Variants in ASCC1 observed in about 807,000 individuals in gnomAD.
ASCC1 encodes ASC-1 complex subunit P50.
ASCC1 carries 35 observed loss-of-function variants against 46.6 expected under a neutral mutation model. That is an observed-to-expected ratio of 0.75 (90% CI 0.57 to 0.99). ASCC1 has a LOEUF of 0.99. Ranked by LOEUF, ASCC1 falls within the 50% of genes least tolerant of loss-of-function variation. The probability of loss-of-function intolerance (pLI) is 0.00; values close to 1 mark genes in which losing one functional copy is unlikely to be tolerated. For synonymous variants in ASCC1, 143 were observed against 146.6 expected (o/e 0.98, Z 0.18); for missense variants, 376 against 428.7 (o/e 0.88, Z 1.09).
intron 9 of ASCC1, among the ~76,000 whole-genome samples, chr10:72,115,930 CAATTA>C (rs1445267139): frequency 2.0e-5 from 3 of 152,226 alleles, no homozygotes; most frequent in Non-Finnish European, 4.4e-5. Flanking sequence ...TTCTTTATAC[CAATTA>C]AATTCTTACA....
Position 72,138,091 on chromosome 10 carries a change from C to T in ASCC1, c.747-4910G>A, listed in dbSNP as rs553265738. ...TGTTGCCCAGGCTGGTCTCAAACTC[C>T]TGCCCTCAAACGATCCACCTGCCTT... On this transcript the variant is annotated intron_variant, in intron 7 of 9. Coordinates refer to ENST00000672957, the MANE Select transcript of ASCC1 (RefSeq NM_001198800.3). 4.0e-3 allele frequency among the ~76,000 whole-genome samples: 606 copies of T among 152,292 alleles called. 6 individuals carry two copies. Among genetic ancestry groups the T allele is most frequent in the African/African-American group, 0.014 (578 of 41,546 alleles).
At chr10:72,114,657 A>G (rs1191991259) in intron 9 of ASCC1, among the ~76,000 whole-genome samples, 2 of 152,014 alleles carry the variant, frequency 1.3e-5, no homozygotes, top group Non-Finnish European at 2.9e-5. Flanking sequence ...CATTTGCTAG[A>G]AATGAAAATA....
chr10:72,179,205 T>C (rs1589484829), intron 5 of ASCC1, among the ~76,000 whole-genome samples: 1 of 152,294 alleles, frequency 6.6e-6, no homozygotes, highest in East Asian at 1.9e-4. Context: ...AAGTTTTGGT[T>C]GCCCAGGCTG....
chr10:72,180,423 C>G (rs1852432980), intron 5 of ASCC1, among the ~76,000 whole-genome samples: 1 of 152,080 alleles, frequency 6.6e-6, no homozygotes. Flanking sequence ...GCCAGGAGTT[C>G]AGGACCAGTC....
chr10:72,102,314 C>G, intron 9 of ASCC1: 1 of 1,545,392 alleles, frequency 6.5e-7, no homozygotes, highest in South Asian at 1.2e-5. Flanking sequence ...TGTGTTTACA[C>G]ACTCACGGCT....
In ASCC1 at chr10:72,196,872, T is replaced by G; in HGVS notation, c.428A>C (p.Glu143Ala). The change falls in exon 5 of 10, where the codon GAA (glutamate) becomes GCA (alanine). Residue 143 changes from glutamate to alanine, a missense_variant. By Grantham distance (107) the Glu-to-Ala change is moderately radical. Transcript: ENST00000672957. ...CAGGAATCCTTCCTGAACCTCAACT[T>G]CATTGAGGAAAAAGGCAAGGAAGTG... ...FTHFLAFFLN[E>A]VEVQEGFLRF... is the part of the protein sequence containing the mutation. 6.2e-7 allele frequency: 1 copy of G among 1,613,562 alleles called. No homozygotes were observed. The highest frequency in any genetic ancestry group is 8.5e-7 in the Non-Finnish European group (1 of 1,179,978).
chr10:72,149,605 G>A (rs1354084507), intron 7 of ASCC1, among the ~76,000 whole-genome samples: 1 of 152,120 alleles, frequency 6.6e-6, no homozygotes, highest in African/African-American at 2.4e-5. Flanking sequence ...TTATGAGACT[G>A]TGAGACCAAA....
At chr10:72,136,895 G>C (rs545589036) in intron 7 of ASCC1, among the ~76,000 whole-genome samples, 1 of 151,880 alleles carries the variant, frequency 6.6e-6, no homozygotes, top group African/African-American at 2.4e-5. Context: ...GCAAGACCAC[G>C]AACCCACCGG....
At chr10:72,210,893 C>T (rs1021180620) in intron 2 of ASCC1, 62 bp from the exon 3 acceptor site, 18 of 1,523,670 alleles carry the variant, frequency 1.2e-5, no homozygotes, top group Admixed American at 3.5e-5. Context: ...ACAGCTTTCG[C>T]CTCAGCTGTC....
intron 5 of ASCC1, among the ~76,000 whole-genome samples, chr10:72,172,827 TTTA>T (rs1372590518): frequency 7.5e-6 from 1 of 132,690 alleles, no homozygotes; most frequent in Non-Finnish European, 1.6e-5. Flanking sequence ...TAATATATAT[TTTA>T]TATTTTTATA....
rs1342543383 is a variant in ASCC1, at chr10:72,204,510, C to T, written c.213-986G>A. ...GATGTGTTCAAGTGAATGAGACTAC[C>T]GAATCCCAAGAGAGAAGTTTCAGAG... is the stretch of plus-strand genomic sequence containing the variant. On this transcript the variant is annotated intron_variant, in intron 3 of 9. Coordinates refer to ENST00000672957, the MANE Select transcript of ASCC1 (RefSeq NM_001198800.3). The T allele has an allele frequency of 9.0e-6, 14 of 1,550,078 alleles. No homozygotes were observed. The highest frequency in any genetic ancestry group is 1.2e-5 in the South Asian group (1 of 84,060).
At chr10:72,156,826 GA>G (rs986909396) in intron 6 of ASCC1, among the ~76,000 whole-genome samples, 1 of 151,516 alleles carries the variant, frequency 6.6e-6, no homozygotes, top group Admixed American at 6.6e-5. Context: ...AAGACAGCTG[GA>G]AAAAAAGGAA....
chr10:72,169,799 C>T (rs1342903634), intron 5 of ASCC1, among the ~76,000 whole-genome samples: 1 of 152,096 alleles, frequency 6.6e-6, no homozygotes, highest in African/African-American at 2.4e-5. Context: ...AATATCAAAT[C>T]CACACTAGAG....
intron 9 of ASCC1, among the ~76,000 whole-genome samples, chr10:72,104,224 C>G (rs1842105161): frequency 6.6e-6 from 1 of 152,112 alleles, no homozygotes; most frequent in South Asian, 2.1e-4. Flanking sequence ...CATTAAATAG[C>G]CACAGTGAGG....
intron 7 of ASCC1, chr10:72,133,554 G>C (rs1263290481): frequency 3.3e-6 from 1 of 303,486 alleles, no homozygotes; most frequent in Non-Finnish European, 6.4e-6. Flanking sequence ...AACAGCAAGT[G>C]CAAAGATGCC....
In ASCC1 at chr10:72,152,942, C is replaced by G. The variant is rs763038121; in HGVS notation, c.673G>C (p.Glu225Gln). Reference sequence around the variant, plus strand: ...ATGCCAGGATCATCATTCATGTATTCTATCCCTGCCATCTCCACTTCTAGG... The same window carrying G: ...ATGCCAGGATCATCATTCATGTATTGTATCCCTGCCATCTCCACTTCTAGG... ...KPLEVEMAGI[E>Q]YMNDDPGMVD... The change falls in exon 7 of 10, where the codon GAA becomes CAA. Residue 225 changes from glutamate to glutamine, a missense_variant. Transcript: ENST00000672957. 1 of 1,614,138 alleles carries G rather than the reference C, an allele frequency of 6.2e-7. No homozygotes were observed. The highest frequency in any genetic ancestry group is 1.1e-5 in the South Asian group (1 of 91,080).
chr10:72,197,786 A>T lies in ASCC1; in HGVS notation c.311-797T>A, dbSNP rs559528414. 6.6e-5 allele frequency among the ~76,000 whole-genome samples: 10 copies of T among 150,996 alleles called. No homozygotes were observed. The East Asian group carries it at 1.8e-3, about 27-fold the overall frequency. ...CTGGGTGTGGTGTCACATGTCTGTA[A>T]TCCCAGCTACTTGGGAAGCTGAGGC... On this transcript the variant is annotated intron_variant, in intron 4 of 9. Coordinates refer to ENST00000672957, the MANE Select transcript of ASCC1 (RefSeq NM_001198800.3).
At chr10:72,122,378 C>T (rs1844308358) in intron 9 of ASCC1, among the ~76,000 whole-genome samples, 1 of 151,100 alleles carries the variant, frequency 6.6e-6, no homozygotes, top group South Asian at 2.1e-4. Flanking sequence ...CAAAATCGTG[C>T]CACTGCACTC....
chr10:72,195,178 G>A (rs1720837244), intron 5 of ASCC1, among the ~76,000 whole-genome samples: 1 of 118,496 alleles, frequency 8.4e-6, no homozygotes, highest in Admixed American at 9.5e-5. Flanking sequence ...ACAGGGTCTG[G>A]CTCCATTGCC....
Sources: allele counts gnomAD v4.1 joint callset (sites outside exome capture counted in the v4.1 genomes callset), GRCh38; gene constraint gnomAD v4.1.1; transcripts MANE v1.5; gene names NCBI Gene and HGNC (gene_info 2026-07-23, HGNC 2026-07-21).